SMYD3: variants seen among roughly 807,000 people sequenced by gnomAD.
The protein encoded by SMYD3 is SET and MYND domain containing 3.
SMYD3 carries 36 observed loss-of-function variants against 57.7 expected under a neutral mutation model. The ratio of observed to expected loss-of-function variants is 0.62; its 90% CI spans 0.48 to 0.82. SMYD3 has a LOEUF of 0.82. SMYD3 is among the 40% of genes least tolerant of loss of function. The pLI, the probability that SMYD3 is intolerant of heterozygous loss-of-function variation, is 0.00. For synonymous variants in SMYD3, 211 were observed against 195.0 expected (o/e 1.08, Z -0.68); for missense variants, 515 against 538.8 (o/e 0.96, Z 0.44).
At chr1:245,781,075 T>C (rs921700742) in intron 10 of SMYD3, among the ~76,000 whole-genome samples, 4 of 152,196 alleles carry the variant, frequency 2.6e-5, no homozygotes, top group Non-Finnish European at 5.9e-5. Context: ...GAAATGTGGT[T>C]ACCTGGAGCT....
chr1:246,452,325 G>A (rs1485072030), intron 1 of SMYD3, among the ~76,000 whole-genome samples: 1 of 152,084 alleles, frequency 6.6e-6, no homozygotes, highest in African/African-American at 2.4e-5. Flanking sequence ...GGCCAACATG[G>A]CAGAACCTTG....
chr1:245,962,463 C>T (rs2058034906), intron 5 of SMYD3, among the ~76,000 whole-genome samples: 1 of 152,172 alleles, frequency 6.6e-6, no homozygotes, highest in Non-Finnish European at 1.5e-5. Context: ...AGTTCAACGC[C>T]TCTGTCATTG....
chr1:246,119,800 G>C (rs1425586314), intron 5 of SMYD3, among the ~76,000 whole-genome samples: 1 of 152,072 alleles, frequency 6.6e-6, no homozygotes, highest in African/African-American at 2.4e-5. Flanking sequence ...TGCCATGTAC[G>C]ACATACACTA....
chr1:246,099,165 G>A (rs755943812), intron 5 of SMYD3, among the ~76,000 whole-genome samples: 3 of 152,188 alleles, frequency 2.0e-5, no homozygotes, highest in Non-Finnish European at 2.9e-5. Flanking sequence ...TATCGGGCAA[G>A]TTGTTTCTTC....
intron 5 of SMYD3, among the ~76,000 whole-genome samples, chr1:246,191,768 C>G (rs770220848): frequency 6.6e-6 from 1 of 152,106 alleles, no homozygotes; most frequent in African/African-American, 2.4e-5. Flanking sequence ...CTGTATCTGC[C>G]CAAGATCTCA....
intron 5 of SMYD3, among the ~76,000 whole-genome samples, chr1:246,057,488 C>T (rs1043591060): frequency 6.6e-6 from 1 of 152,082 alleles, no homozygotes; most frequent in African/African-American, 2.4e-5. Flanking sequence ...ATGGCAAATA[C>T]GCATATGAAA....
rs1038680332 is a variant in SMYD3, at chr1:245,994,532, G to A, written c.532-64595C>T. ...CCCTCTGAAATAAGCATTTTCTCCC[G>A]GGACATCAAGGAGCTGGGGACTCCA... On this transcript the variant is annotated intron_variant, in intron 5 of 11. Transcript: ENST00000490107. 1.5e-4 allele frequency among the ~76,000 whole-genome samples: 23 copies of A among 152,068 alleles called. 1 individual carries two copies. Among genetic ancestry groups the A allele is most frequent in the African/African-American group, 2.4e-4 (10 of 41,396 alleles).
chr1:246,465,666 T>C (rs2067871609), intron 1 of SMYD3, among the ~76,000 whole-genome samples: 1 of 152,146 alleles, frequency 6.6e-6, no homozygotes, highest in South Asian at 2.1e-4. Flanking sequence ...AGTGAGACCA[T>C]ATGTCTACAA....
intron 5 of SMYD3, among the ~76,000 whole-genome samples, chr1:246,234,635 C>A (rs2063486279): frequency 1.2e-5 from 1 of 85,510 alleles, no homozygotes. Flanking sequence ...TTGGCCTATC[C>A]ATGCCACTAT....
chr1:246,113,959 A>C (rs189156741), intron 5 of SMYD3: 1 of 152,202 alleles, frequency 6.6e-6, no homozygotes, highest in East Asian at 1.9e-4. Flanking sequence ...ACTCCCTGTA[A>C]ACCTATTTAG....
intron 2 of SMYD3, among the ~76,000 whole-genome samples, chr1:246,348,596 T>C (rs1312160991): frequency 6.6e-6 from 1 of 151,608 alleles, no homozygotes; most frequent in Non-Finnish European, 1.5e-5. Flanking sequence ...TTGGAGAATA[T>C]AAGGAAGGGG....
chr1:246,015,315 A>G (rs1463740608), intron 5 of SMYD3, among the ~76,000 whole-genome samples: 1 of 152,208 alleles, frequency 6.6e-6, no homozygotes, highest in Non-Finnish European at 1.5e-5. Context: ...CAGTCCTATA[A>G]GCTAAAGATA....
chr1:245,927,584 G>A (rs932884504), intron 7 of SMYD3, among the ~76,000 whole-genome samples: 1 of 152,162 alleles, frequency 6.6e-6, no homozygotes, highest in African/African-American at 2.4e-5. Context: ...GGAAGGATAT[G>A]AGAGGCTGCT....
chr1:245,830,064 G>A (rs2049744668), intron 10 of SMYD3, among the ~76,000 whole-genome samples: 1 of 152,096 alleles, frequency 6.6e-6, no homozygotes, highest in African/African-American at 2.4e-5. Context: ...CTGTAAATAT[G>A]CTAAAAGCCA....
At chr1:245,825,736 G>T (rs971216313) in intron 10 of SMYD3, among the ~76,000 whole-genome samples, 3 of 152,218 alleles carry the variant, frequency 2.0e-5, no homozygotes, top group Admixed American at 6.5e-5. Context: ...TGCTGAACAT[G>T]TGTCATTATT....
intron 10 of SMYD3, among the ~76,000 whole-genome samples, chr1:245,764,435 T>C (rs1254243201): frequency 2.0e-5 from 3 of 151,680 alleles, no homozygotes; most frequent in African/African-American, 7.3e-5. Context: ...GAGCTCTGCG[T>C]TGATATTTGG....
chr1:245,818,187 AC>A (rs1319250535), intron 10 of SMYD3, among the ~76,000 whole-genome samples: 4 of 152,360 alleles, frequency 2.6e-5, no homozygotes, highest in Non-Finnish European at 5.9e-5. Flanking sequence ...CATCAGACTA[AC>A]AGCGGATCTC....
At chr1:245,917,512 G>A (rs6682967) in intron 7 of SMYD3, among the ~76,000 whole-genome samples, 106,598 of 152,018 alleles carry the variant, frequency 0.7, 41,799 homozygotes, top group Non-Finnish European at 0.89. Context: ...CTGGCCTCCC[G>A]TCTGGCTCCA....
chr1:246,058,881 T>TC (rs1491194228), intron 5 of SMYD3, among the ~76,000 whole-genome samples: 1 of 144,842 alleles, frequency 6.9e-6, no homozygotes, highest in African/African-American at 2.6e-5. Flanking sequence ...AATCCACATT[T>TC]CTTTTTTTTT....
Sources: allele counts gnomAD v4.1 joint callset (sites outside exome capture counted in the v4.1 genomes callset), GRCh38; gene constraint gnomAD v4.1.1; transcripts MANE v1.5; gene names NCBI Gene and HGNC (gene_info 2026-07-23, HGNC 2026-07-21).